Variants in TRMT1 observed in about 807,000 individuals in gnomAD.
TRMT1 encodes the protein tRNA (guanine(26)-N(2))-dimethyltransferase.
TRMT1 carries 63 observed loss-of-function variants against 75.4 expected under a neutral mutation model. That is an observed-to-expected ratio of 0.84 (90% CI 0.68 to 1.03). The LOEUF (loss-of-function observed/expected upper bound fraction) is 1.03. TRMT1 is among the 50% of genes least tolerant of loss of function. The pLI is 0.00. For missense variants in TRMT1, 870 were observed against 905.3 expected (o/e 0.96, Z 0.50); for synonymous variants, 382 against 358.1 (o/e 1.07, Z -0.75).
In TRMT1 at chr19:13,110,541, G is replaced by A. The variant is rs76328027; in HGVS notation, c.871-235C>T. ...TGTGGCACTGCTGGGGGCACTAAAC[G>A]AGTGAGGAAAGCATAGATCCAACCT... is the stretch of plus-strand genomic sequence containing the variant. On this transcript the variant is annotated intron_variant, in intron 7 of 16. Transcript: ENST00000357720. 4.2e-3 allele frequency among the ~76,000 whole-genome samples: 633 copies of A among 152,338 alleles called. 3 individuals are homozygous for A. Among genetic ancestry groups the A allele is most frequent in the African/African-American group, 0.014 (569 of 41,574 alleles).
chr19:13,105,522 C>T lies in TRMT1; in HGVS notation c.1668G>A (p.Glu556=), dbSNP rs771756042. Residue 556 remains glutamate (E), a synonymous_variant, in exon 15 of 17, where the codon GAG becomes GAA. Coordinates refer to ENST00000357720, the MANE Select transcript of TRMT1 (RefSeq NM_001136035.4). ...CACGAGGCCGGGGACCCCAGTTGGC[C>T]TCCGGGTTAGCCTGGAAGCGCTTGA... The part of the protein sequence containing the change: ...RGLKRFQANP[E]ANWGPRPRAR... 13 of 1,613,976 alleles carry T rather than the reference C, an allele frequency of 8.1e-6. No individual in the cohort carries two copies. The South Asian group carries it at 1.1e-4, about 14-fold the overall frequency.
chr19:13,105,355 A>G lies in TRMT1; in HGVS notation c.1745T>C (p.Leu582Pro), dbSNP rs2018809279. ...CGGCTCCTTCCGCTTGTTCTGAAGC[A>G]GCCTGCGTCTCTCCTCCATAGCTTC... ...ADEAMEERRR[L>P]LQNKRKEPPE... Residue 582 changes from leucine (L) to proline (P), a missense_variant, in exon 16 of 17, where the codon CTG (leucine) becomes CCG (proline). Transcript: ENST00000357720. 1 of 1,613,840 alleles carries G rather than the reference A, an allele frequency of 6.2e-7. No individual in the cohort carries two copies. Among genetic ancestry groups the G allele is most frequent in the South Asian group, 1.1e-5 (1 of 91,090 alleles).
chr19:13,110,973 G>C (rs942757990), intron 7 of TRMT1, among the ~76,000 whole-genome samples: 1 of 152,048 alleles, frequency 6.6e-6, no homozygotes, highest in South Asian at 2.1e-4. Context: ...AAAGCAAAAC[G>C]GCTAGGGCTT....
chr19:13,108,668 GC>G (rs1378779595), intron 12 of TRMT1, among the ~76,000 whole-genome samples: 2 of 151,530 alleles, frequency 1.3e-5, no homozygotes, highest in Non-Finnish European at 2.9e-5. Flanking sequence ...GTGCAGTGGC[GC>G]AATCTTGGCT....
chr19:13,105,200 C>G, intron 16 of TRMT1, 67 bp downstream of exon 16: 1 of 1,567,002 alleles, frequency 6.4e-7, no homozygotes, highest in Admixed American at 1.8e-5. Flanking sequence ...TCCCCCAATT[C>G]TCTCCCTGTT....
In TRMT1 at chr19:13,115,340, G is replaced by A. The variant is rs143006157; in HGVS notation, c.580C>T (p.Arg194Cys). Residue 194 changes from arginine (R) to cysteine (C), a missense_variant, in exon 5 of 17, where the codon CGC becomes TGC. Coordinates refer to ENST00000357720, the MANE Select transcript of TRMT1 (RefSeq NM_001136035.4). ...DASTRAVDLI[R>C]RNVQLNDVAH... ...ACGTCATTGAGCTGGACATTCCGGC[G>A]TATGAGATCCACAGCCCGGGTGGAG... 147 of 1,613,942 alleles carry A rather than the reference G, an allele frequency of 9.1e-5. No individual in the cohort carries two copies. Among genetic ancestry groups the A allele is most frequent in the Middle Eastern group, 1.6e-4 (1 of 6,084 alleles).
intron 14 of TRMT1, 112 bp from the exon 15 acceptor site, chr19:13,105,718 T>C: frequency 1.8e-6 from 2 of 1,103,890 alleles, no homozygotes; most frequent in South Asian, 1.6e-5. Flanking sequence ...TGTCTGCTCA[T>C]GTCAGGATTC....
At chr19:13,107,692 G>T in intron 13 of TRMT1, 42 bp from the exon 14 acceptor site, 1 of 1,575,338 alleles carries the variant, frequency 6.3e-7, no homozygotes, top group Non-Finnish European at 8.6e-7. Flanking sequence ...TAGGCCCAAG[G>T]GACCTCCAGG....
intron 3 of TRMT1, 29 bp from the exon 4 acceptor site, chr19:13,115,797 G>A: frequency 3.1e-6 from 5 of 1,613,450 alleles, no homozygotes; most frequent in African/African-American, 1.3e-5. Flanking sequence ...ACAAGTCAGA[G>A]AATAACAAGG....
At position 13,107,801 on chromosome 19, in the gene TRMT1, C is replaced by A; in HGVS notation, c.1456G>T (p.Val486Leu). The A allele has an allele frequency of 1.9e-6, 3 of 1,552,404 alleles. No individual in the cohort carries two copies. Among genetic ancestry groups the A allele is most frequent in the Non-Finnish European group, 2.6e-6 (3 of 1,147,354 alleles). ...VSLSHACKNA[V>L]KTDAPASALW... Reference sequence around the variant, plus strand: ...GCAGAGGCAGGGGCATCCGTCTTCACAGCGTTCTTACAGGCGTGGGAGAGT... The same window carrying A: ...GCAGAGGCAGGGGCATCCGTCTTCAAAGCGTTCTTACAGGCGTGGGAGAGT... Residue 486 changes from valine (V) to leucine (L), a missense_variant, in exon 13 of 17, where the codon GTG (valine) becomes TTG (leucine). Coordinates refer to ENST00000357720, the MANE Select transcript of TRMT1 (RefSeq NM_001136035.4).
chr19:13,116,453 G>A lies in TRMT1; in HGVS notation c.-32-22C>T. On this transcript the variant is annotated intron_variant, in intron 1 of 16. Transcript: ENST00000357720. ...AAGCCTGGTTCGGGGGGCGGGGGAG[G>A]GCACAGAGAGGGTCAGAGAGCCGCA... is the stretch of plus-strand genomic sequence containing the variant. The A allele has an allele frequency of 4.5e-6, 7 of 1,563,998 alleles. No individual in the cohort carries two copies. The South Asian group carries it at 8.0e-5, about 18-fold the overall frequency.
chr19:13,105,669 C>T (rs991570350), intron 14 of TRMT1, 63 bp from the exon 15 acceptor site: 14 of 1,486,354 alleles, frequency 9.4e-6, no homozygotes, highest in Non-Finnish European at 1.3e-5. Flanking sequence ...TGTCCCCACT[C>T]CCCACAGGGC....
chr19:13,109,493 A>G (rs752678959), intron 11 of TRMT1, 27 bp from the exon 12 acceptor site: 3 of 1,613,966 alleles, frequency 1.9e-6, no homozygotes, highest in Admixed American at 1.7e-5. Context: ...GATGGGCATG[A>G]GTGGAGATGG....
rs1369280740 is a variant in TRMT1 at position 13,107,802 on chromosome 19, A to G, written c.1455T>C (p.Ala485=). 4.5e-6 allele frequency: 7 copies of G among 1,552,364 alleles called. No homozygotes were observed. Among genetic ancestry groups the G allele is most frequent in the South Asian group, 1.2e-5 (1 of 84,176 alleles). The change falls in exon 13 of 17, where the codon GCT becomes GCC. Residue 485 remains alanine (A), a synonymous_variant. Transcript: ENST00000357720. ...CAGAGGCAGGGGCATCCGTCTTCACAGCGTTCTTACAGGCGTGGGAGAGTG... is the reference window on the plus strand; with the variant it reads ...CAGAGGCAGGGGCATCCGTCTTCACGGCGTTCTTACAGGCGTGGGAGAGTG... ...RVSLSHACKN[A]VKTDAPASAL... is the part of the protein sequence containing the mutation.
intron 8 of TRMT1, 74 bp from the exon 9 acceptor site, chr19:13,110,075 G>A (rs943688180): frequency 5.0e-6 from 8 of 1,609,920 alleles, no homozygotes; most frequent in Middle Eastern, 1.9e-4. Context: ...GACTGGCTCT[G>A]TCCCTTAAGA....
At position 13,105,266 on chromosome 19, in the gene TRMT1, C is replaced by G; in HGVS notation, c.1833+1G>C. On this transcript the variant is annotated splice_donor_variant, in intron 16 of 16. Transcript: ENST00000357720. LOFTEE classifies it high-confidence loss of function. Reference sequence around the variant, plus strand: ...TGGAGGAAAGGGAGGAGGGACCTCACCTCCTTAAACCTCTTGCAAGGAAAT... The same window carrying G: ...TGGAGGAAAGGGAGGAGGGACCTCAGCTCCTTAAACCTCTTGCAAGGAAAT... 6.2e-7 allele frequency: 1 copy of G among 1,612,468 alleles called. No homozygotes were observed. The highest frequency in any genetic ancestry group is 1.3e-5 in the African/African-American group (1 of 75,048).
chr19:13,105,304 G>A lies in TRMT1; in HGVS notation c.1796C>T (p.Ala599Val), dbSNP rs1254878306. ...CTTGCAAGGAAATGTCTTGAGCCGG[G>A]CAGCCCGCTGGGCCACATCTTCCGG... ...EPPEDVAQRAARLKTFPCKRF... is the reference protein window; with the variant it reads ...EPPEDVAQRAVRLKTFPCKRF... The change falls in exon 16 of 17, where the codon GCC becomes GTC. Residue 599 changes from alanine to valine, a missense_variant. Transcript: ENST00000357720. The A allele has an allele frequency of 6.2e-7, 1 of 1,614,004 alleles. No homozygotes were observed. Among genetic ancestry groups the A allele is most frequent in the Middle Eastern group, 1.6e-4 (1 of 6,062 alleles).
chr19:13,110,318 GGGTGGGT>G lies in TRMT1; in HGVS notation c.871-19_871-13del. ...ACGATTCTCAGGGCCTGGGGGTGGG[GGGTGGGT>G]GTCAGCCTCCCCTCCACTATCCACC... On this transcript the variant is annotated splice_polypyrimidine_tract_variant and intron_variant, in intron 7 of 16. Coordinates refer to ENST00000357720, the MANE Select transcript of TRMT1 (RefSeq NM_001136035.4). 2.5e-6 allele frequency: 2 copies of G among 799,040 alleles called. No individual in the cohort carries two copies. Among genetic ancestry groups the G allele is most frequent in the Non-Finnish European group, 2.1e-6 (1 of 469,008 alleles). 49.5% of individuals were successfully genotyped at this position (799,040 alleles called of 1,614,324 possible).
chr19:13,112,547 G>A (rs2019181591), intron 7 of TRMT1, among the ~76,000 whole-genome samples, 158 bp downstream of exon 7: 1 of 152,240 alleles, frequency 6.6e-6, no homozygotes. Context: ...GAACTATGTG[G>A]GTTGAAGACA....
Sources: gnomAD v4.1 joint callset for allele counts (sites outside exome capture counted in the v4.1 genomes callset) on GRCh38, gnomAD v4.1.1 for gene constraint, MANE v1.5 for transcripts, NCBI Gene and HGNC (gene_info 2026-07-23, HGNC 2026-07-21) for gene names.